The following NALF1 variants were observed in gnomAD, a reference collection of about 807,000 sequenced individuals.
The protein encoded by NALF1 is family with sequence similarity 155 member A.
In NALF1, 3 loss-of-function variants were observed where a neutral mutation model predicts 48.4. That is an observed-to-expected ratio of 0.06 (90% CI 0.03 to 0.16). The LOEUF (loss-of-function observed/expected upper bound fraction) is 0.16, where lower values mean the gene tolerates loss of function less well. NALF1 is among the 10% of genes least tolerant of loss of function. The pLI is 1.00. For missense variants in NALF1, 526 were observed against 571.5 expected (o/e 0.92, Z 0.81); for synonymous variants, 262 against 245.7 (o/e 1.07, Z -0.62).
chr13:107,224,032 TATTG>T lies in NALF1; in HGVS notation c.916-13281_916-13278del, dbSNP rs562203650. ...TTGTTTAATTGATTAATTAATTAAT[TATTG>T]ATTATCAGTTGATTATTGATTAATG... On this transcript the variant is annotated intron_variant, in intron 1 of 2. Transcript: ENST00000375915. Among the ~76,000 whole-genome samples the T allele has an allele frequency of 2.2e-4, 33 of 152,276 alleles. No homozygotes were observed. The South Asian group carries it at 5.4e-3, about 25-fold the overall frequency.
At chr13:107,580,124 A>G (rs1430259803) in intron 1 of NALF1, among the ~76,000 whole-genome samples, 3 of 152,192 alleles carry the variant, frequency 2.0e-5, no homozygotes, top group African/African-American at 7.2e-5. Flanking sequence ...GCCATAAAAA[A>G]TGATGAGTTC....
intron 1 of NALF1, among the ~76,000 whole-genome samples, chr13:107,231,733 A>T (rs531548126): frequency 2.6e-5 from 4 of 152,318 alleles, no homozygotes. Flanking sequence ...ATCAAAACTG[A>T]TTTGCGCATT....
intron 1 of NALF1, among the ~76,000 whole-genome samples, chr13:107,618,944 G>A (rs1879454147): frequency 1.3e-5 from 2 of 152,178 alleles, no homozygotes; most frequent in South Asian, 4.1e-4. Flanking sequence ...TATATTCCTA[G>A]TATTGCTACC....
At chr13:107,223,062 A>G (rs1880027581) in intron 1 of NALF1, among the ~76,000 whole-genome samples, 1 of 152,226 alleles carries the variant, frequency 6.6e-6, no homozygotes, top group Admixed American at 6.5e-5. Context: ...TGGGCTAATA[A>G]GTACAATTTT....
At chr13:107,222,472 C>CAAA (rs1880015108) in intron 1 of NALF1, among the ~76,000 whole-genome samples, 1 of 152,096 alleles carries the variant, frequency 6.6e-6, no homozygotes, top group Admixed American at 6.6e-5. Flanking sequence ...CAAGTGATTG[C>CAAA]AAAGGTTAGG....
At chr13:107,320,945 T>C (rs1882243166) in intron 1 of NALF1, 2 of 186,762 alleles carry the variant, frequency 1.1e-5, no homozygotes, top group Non-Finnish European at 2.4e-5. Flanking sequence ...GGGGCAGTAT[T>C]CAACTCATCA....
At chr13:107,243,682 C>T (rs1049044738) in intron 1 of NALF1, among the ~76,000 whole-genome samples, 1 of 152,222 alleles carries the variant, frequency 6.6e-6, no homozygotes, top group Admixed American at 6.5e-5. Context: ...ACCTCCTCTT[C>T]TGGTCTCCTT....
At chr13:107,777,506 G>C (rs745552708) in intron 1 of NALF1, among the ~76,000 whole-genome samples, 8 of 152,176 alleles carry the variant, frequency 5.3e-5, no homozygotes, top group Non-Finnish European at 1.0e-4. Flanking sequence ...ATGATAGTGA[G>C]TGAGTTCTCG....
At chr13:107,849,702 T>A (rs932082988) in intron 1 of NALF1, among the ~76,000 whole-genome samples, 2 of 152,228 alleles carry the variant, frequency 1.3e-5, no homozygotes, top group African/African-American at 4.8e-5. Context: ...TCTGCCCTAC[T>A]CACTCTCAAT....
chr13:107,784,519 A>T (rs116018839), intron 1 of NALF1, among the ~76,000 whole-genome samples: 2,874 of 152,278 alleles, frequency 0.019, 93 homozygotes, highest in African/African-American at 0.066. Flanking sequence ...AAGTCAAATT[A>T]AAAAGAGGTT....
intron 2 of NALF1, among the ~76,000 whole-genome samples, chr13:107,175,149 A>G (rs896955996): frequency 6.6e-5 from 10 of 150,570 alleles, no homozygotes; most frequent in African/African-American, 2.5e-4. Flanking sequence ...TCGGCCTCCC[A>G]AAGTGCTGGG....
chr13:107,198,165 A>C (rs148190997), intron 2 of NALF1, among the ~76,000 whole-genome samples: 48 of 152,306 alleles, frequency 3.2e-4, no homozygotes, highest in Non-Finnish European at 6.6e-4. Context: ...TTTCAGCAAT[A>C]TTGAGCAGAA....
At chr13:107,309,725 G>C (rs1882008416) in intron 1 of NALF1, among the ~76,000 whole-genome samples, 1 of 152,142 alleles carries the variant, frequency 6.6e-6, no homozygotes, top group Admixed American at 6.5e-5. Flanking sequence ...TTAACATTTT[G>C]CTCACCTGAG....
At chr13:107,255,770 CT>C (rs1880802060) in intron 1 of NALF1, among the ~76,000 whole-genome samples, 2 of 152,146 alleles carry the variant, frequency 1.3e-5, no homozygotes, top group East Asian at 3.8e-4. Flanking sequence ...GTTGAAAGGT[CT>C]GTTTGTCTAG....
rs577995364 is a variant in NALF1 at position 107,169,292 on chromosome 13, C to T, written c.*1205G>A. ...ACTGTATACCTGGAATAATTTTAAA[C>T]CATATGTTAGGGAAATACTGGAATA... On this transcript the variant is annotated 3_prime_UTR_variant, in exon 3 of 3. Coordinates refer to ENST00000375915, the MANE Select transcript of NALF1 (RefSeq NM_001080396.3). 1 of 152,162 alleles carries T rather than the reference C, an allele frequency of 6.6e-6. No homozygotes were observed. The highest frequency in any genetic ancestry group is 1.9e-4 in the East Asian group (1 of 5,184). The allele number at this position is 152,162 out of a possible 1,614,324, so 9.4% of individuals were successfully genotyped here.
At chr13:107,713,847 T>TGC (rs1875672281) in intron 1 of NALF1, among the ~76,000 whole-genome samples, 2 of 152,220 alleles carry the variant, frequency 1.3e-5, no homozygotes, top group Non-Finnish European at 1.5e-5. Flanking sequence ...AGTACAGCTC[T>TGC]GCATGATTAG....
intron 1 of NALF1, among the ~76,000 whole-genome samples, chr13:107,402,488 T>A (rs1328597530): frequency 6.6e-6 from 1 of 152,192 alleles, no homozygotes; most frequent in Admixed American, 6.5e-5. Context: ...AGTAAATGAA[T>A]GTTGTTTTAA....
intron 1 of NALF1, among the ~76,000 whole-genome samples, chr13:107,771,232 A>T (rs115057588): frequency 0.012 from 1,761 of 142,578 alleles, 40 homozygotes; most frequent in African/African-American, 0.043. Flanking sequence ...TTGGTTTGAG[A>T]TGTTATTTTA....
At chr13:107,254,268 C>T (rs1193705875) in intron 1 of NALF1, among the ~76,000 whole-genome samples, 3 of 152,036 alleles carry the variant, frequency 2.0e-5, no homozygotes, top group Non-Finnish European at 4.4e-5. Context: ...ACGGTAACAG[C>T]TAGGAATTAA....
Sources: allele counts gnomAD v4.1 joint callset (sites outside exome capture counted in the v4.1 genomes callset), GRCh38; gene constraint gnomAD v4.1.1; transcripts MANE v1.5; gene names NCBI Gene and HGNC (gene_info 2026-07-23, HGNC 2026-07-21).